SLC5A10: variants seen among roughly 807,000 people sequenced by gnomAD.
SLC5A10 encodes sodium/mannose cotransporter SLC5A10.
SLC5A10 carries 55 observed loss-of-function variants against 68.9 expected under a neutral mutation model. The ratio of observed to expected loss-of-function variants is 0.80; its 90% confidence interval spans 0.64 to 1.00. The LOEUF (loss-of-function observed/expected upper bound fraction) is 1.00. Among genes scored for constraint, SLC5A10 ranks in the 50% least tolerant of loss-of-function variants. SLC5A10 has a pLI of 0.00. For missense variants in SLC5A10, 732 were observed against 819.3 expected, an observed-to-expected ratio of 0.89 and a Z score of 1.30; for synonymous variants, 344 against 344.8, an observed-to-expected ratio of 1.00 and a Z score of 0.02.
chr17:19,004,233 G>A lies in SLC5A10; in HGVS notation c.983-9177G>A. ...GGCGGGCCGCGCGGGGAGGGGCGGC[G>A]GGGGCGGGGCCGGGAACTCAGGTGG... On this transcript the variant is annotated intron_variant, in intron 9 of 14. Coordinates refer to ENST00000395645, the MANE Select transcript of SLC5A10 (RefSeq NM_001042450.4). This position sits in a 1 kb window ranked among gnomAD's most constrained non-coding sequence, Gnocchi z 5.4. 1.8e-6 allele frequency: 1 copy of A among 550,454 alleles called. No homozygotes were observed. Among genetic ancestry groups the A allele is most frequent in the Non-Finnish European group, 3.2e-6 (1 of 316,610 alleles). 34.1% of individuals were successfully genotyped at this position (550,454 alleles called of 1,614,324 possible). A position where few individuals can be genotyped will look rare whatever the true frequency, so the allele number is the denominator to read the frequency against.
rs202168324 is a variant in SLC5A10 at position 18,976,974 on chromosome 17, C to T, written c.967C>T (p.Arg323Cys). The change falls in exon 9 of 15, where the codon CGC (arginine) becomes TGC (cysteine). Residue 323 changes from arginine to cysteine, a missense_variant. Arg to Cys is a radical substitution (Grantham distance 180). Transcript: ENST00000395645. ...GLIIMPGMIS[R>C]ALFPDDVGCV... ...GATCATCATGCCGGGCATGATCAGC[C>T]GCGCATTGTTCCCAGGTAGGACGGG... 45 of 1,612,630 alleles carry T rather than the reference C, an allele frequency of 2.8e-5. No homozygotes were observed. The highest frequency in any genetic ancestry group is 7.7e-5 in the South Asian group (7 of 91,060).
At chr17:18,982,493 G>A (rs1232192635) in intron 9 of SLC5A10, among the ~76,000 whole-genome samples, 1 of 152,236 alleles carries the variant, frequency 6.6e-6, no homozygotes, top group Non-Finnish European at 1.5e-5. Context: ...TGCCGGGGCT[G>A]GCCCAAGAGG....
chr17:18,952,202 A>G lies in SLC5A10; in HGVS notation c.-4A>G. Reference sequence around the variant, plus strand: ...TCATACCTAGTGCCTGCGGCAGGACAGCCATGGCCGCCAACTCCACCAGCG... The same window carrying G: ...TCATACCTAGTGCCTGCGGCAGGACGGCCATGGCCGCCAACTCCACCAGCG... On this transcript the variant is annotated 5_prime_UTR_variant, in exon 1 of 15. Coordinates refer to ENST00000395645, the MANE Select transcript of SLC5A10 (RefSeq NM_001042450.4). 1.2e-6 allele frequency: 2 copies of G among 1,611,576 alleles called. No individual in the cohort carries two copies. Among genetic ancestry groups the G allele is most frequent in the Admixed American group, 1.7e-5 (1 of 59,810 alleles).
intron 5 of SLC5A10, among the ~76,000 whole-genome samples, chr17:18,965,005 G>A (rs1003549410): frequency 4.0e-5 from 6 of 151,864 alleles, no homozygotes; most frequent in Non-Finnish European, 7.4e-5. Flanking sequence ...TTAGCCAGGC[G>A]TGGTGACACA....
In SLC5A10 at chr17:19,019,424, C is replaced by A. The variant is rs142845368; in HGVS notation, c.1243C>A (p.Leu415Met). 6.2e-7 allele frequency: 1 copy of A among 1,609,262 alleles called. No individual in the cohort carries two copies. ...TGCCTGCCTTCCACTCGCCTGCAGG[C>A]TGGTCATAGTGGCACTCATCGGCGT... is the stretch of plus-strand genomic sequence containing the variant. ...GERELLLVGR[L>M]VIVALIGVSV... The change falls in exon 12 of 15, where the codon CTG (leucine) becomes ATG (methionine). Residue 415 changes from leucine to methionine, a missense_variant and splice_region_variant. Transcript: ENST00000395645.
Position 18,976,903 on chromosome 17 carries a change from C to A in SLC5A10, c.896C>A (p.Ala299Glu), listed in dbSNP as rs778828313. The change falls in exon 9 of 15, where the codon GCG becomes GAG. Residue 299 changes from alanine (A) to glutamate (E), a missense_variant. Transcript: ENST00000395645. The part of the protein sequence containing the change: ...LSARDLNHAK[A>E]GSILASYLKM... Reference sequence around the variant, plus strand: ...GCCCGGGACCTGAACCATGCCAAGGCGGGCTCCATCCTGGCCAGCTACCTC... The same window carrying A: ...GCCCGGGACCTGAACCATGCCAAGGAGGGCTCCATCCTGGCCAGCTACCTC... 1.2e-6 allele frequency: 2 copies of A among 1,613,540 alleles called. No homozygotes were observed. Among genetic ancestry groups the A allele is most frequent in the Non-Finnish European group, 1.7e-6 (2 of 1,180,024 alleles).
At chr17:18,988,929 C>A (rs959110987) in intron 9 of SLC5A10, among the ~76,000 whole-genome samples, 1 of 152,228 alleles carries the variant, frequency 6.6e-6, no homozygotes, top group African/African-American at 2.4e-5. Flanking sequence ...CAGCCAAGCA[C>A]CACCAACAGG....
chr17:19,013,531 G>A lies in SLC5A10; in HGVS notation c.1090+14G>A. ...TGATGCCCATCGGTGAGGCTGTGTG[G>A]GTGGGGGTCTGGGTGGAGGGCGTGG... On this transcript the variant is annotated intron_variant, in intron 10 of 14. Transcript: ENST00000395645. 6.9e-7 allele frequency: 1 copy of A among 1,453,412 alleles called. No homozygotes were observed. The highest frequency in any genetic ancestry group is 9.1e-7 in the Non-Finnish European group (1 of 1,101,480). 90.0% of individuals were successfully genotyped at this position (1,453,412 alleles called of 1,614,324 possible).
rs1417291284 is a variant in SLC5A10 at position 18,968,598 on chromosome 17, C to G, written c.454-454C>G. On this transcript the variant is annotated intron_variant, in intron 5 of 14. Transcript: ENST00000395645. This position sits in a 1 kb window ranked among gnomAD's most constrained non-coding sequence, Gnocchi z 4.1. ...GGTGGGGGCAGGAAGCAAGGCTGCC[C>G]CTCTGTTTCCTGGTCCGCCCAGCAC... Among the ~76,000 whole-genome samples the G allele has an allele frequency of 6.6e-6, 1 of 152,164 alleles. No individual in the cohort carries two copies. Among genetic ancestry groups the G allele is most frequent in the African/African-American group, 2.4e-5 (1 of 41,404 alleles).
In SLC5A10 at chr17:18,971,837, C is replaced by G; in HGVS notation, c.846+619C>G. 1 of 1,442,684 alleles carries G rather than the reference C, an allele frequency of 6.9e-7. No homozygotes were observed. Among genetic ancestry groups the G allele is most frequent in the Non-Finnish European group, 9.2e-7 (1 of 1,082,476 alleles). The allele number at this position is 1,442,684 out of a possible 1,614,324, so 89.4% of individuals were successfully genotyped here. On this transcript the variant is annotated intron_variant, in intron 8 of 14. Coordinates refer to ENST00000395645, the MANE Select transcript of SLC5A10 (RefSeq NM_001042450.4). This position sits in a 1 kb window ranked among gnomAD's most constrained non-coding sequence, Gnocchi z 5.5. ...CCCTGCTCAGGCACACAGGAGCCGG[C>G]AGGCCCGGGTTCGCCTCCTGGCTCT...
intron 2 of SLC5A10, 40 bp downstream of exon 2, chr17:18,958,793 C>T (rs766239637): frequency 5.0e-6 from 8 of 1,602,606 alleles, no homozygotes; most frequent in South Asian, 4.4e-5. Flanking sequence ...CCACTTTGTC[C>T]GTGGGGCTGT....
chr17:18,968,923 A>C lies in SLC5A10; in HGVS notation c.454-129A>C, dbSNP rs553179735. 1.3e-6 allele frequency: 1 copy of C among 757,558 alleles called. No homozygotes were observed. The highest frequency in any genetic ancestry group is 2.8e-5 in the East Asian group (1 of 36,360). The allele number at this position is 757,558 out of a possible 1,614,324, so 46.9% of individuals were successfully genotyped here. ...GCCCCGTGATGCAGGCAGGCAGGCG[A>C]GTGGGGGTCTCCCCTCCTTATCCAC... On this transcript the variant is annotated intron_variant, in intron 5 of 14. Transcript: ENST00000395645. The surrounding 1 kb of genome is among the most constrained non-coding windows in gnomAD (Gnocchi z 4.1).
rs552268605 is a variant in SLC5A10 at position 18,983,307 on chromosome 17, G to C, written c.982+6318G>C. Among the ~76,000 whole-genome samples, 48 of 152,384 alleles carry C rather than the reference G, an allele frequency of 3.1e-4. 1 individual carries two copies. The highest frequency in any genetic ancestry group is 5.2e-4 in the Admixed American group (8 of 15,312). ...ATCACTATGGCCATGGGGCGCTCGA[G>C]GCCCAGAGAGGTGGAACCACACGCC... On this transcript the variant is annotated intron_variant, in intron 9 of 14. Transcript: ENST00000395645.
At chr17:18,998,171 G>C (rs113772019) in intron 9 of SLC5A10, among the ~76,000 whole-genome samples, 30 of 152,374 alleles carry the variant, frequency 2.0e-4, no homozygotes, top group African/African-American at 7.2e-4. Flanking sequence ...GGCCTGCCAG[G>C]CTGGGGCCAA....
In SLC5A10 at chr17:19,021,758, T is replaced by C. The variant is rs2044267735; in HGVS notation, c.*1327T>C. The C allele has an allele frequency of 6.8e-6, 3 of 438,924 alleles. No individual in the cohort carries two copies. Among genetic ancestry groups the C allele is most frequent in the Non-Finnish European group, 1.2e-5 (3 of 259,270 alleles). 27.2% of individuals were successfully genotyped at this position (438,924 alleles called of 1,614,324 possible). ...GCAACCAGCCAGGAAGCCCCGGAGC[T>C]ACCCTTGCTGGGTACCCTTGCTGGG... On this transcript the variant is annotated 3_prime_UTR_variant, in exon 15 of 15. Coordinates refer to ENST00000395645, the MANE Select transcript of SLC5A10 (RefSeq NM_001042450.4). This position sits in a 1 kb window ranked among gnomAD's most constrained non-coding sequence, Gnocchi z 4.1.
chr17:18,978,532 G>C, intron 9 of SLC5A10: 1 of 1,613,354 alleles, frequency 6.2e-7, no homozygotes. Context: ...CCAGCGCTGG[G>C]CCTTTCAGCC....
In SLC5A10 at chr17:18,996,389, A is replaced by C. The variant is rs559777412; in HGVS notation, c.983-17021A>C. Among the ~76,000 whole-genome samples, 1 of 152,204 alleles carries C rather than the reference A, an allele frequency of 6.6e-6. No homozygotes were observed. Among genetic ancestry groups the C allele is most frequent in the East Asian group, 1.9e-4 (1 of 5,164 alleles). ...TCCTCCTCCCCTCCAGGGGGCTGGC[A>C]GAATTAGTGACATGCCATCTGAAGA... On this transcript the variant is annotated intron_variant, in intron 9 of 14. Coordinates refer to ENST00000395645, the MANE Select transcript of SLC5A10 (RefSeq NM_001042450.4). The surrounding 1 kb of genome is among the most constrained non-coding windows in gnomAD (Gnocchi z 4.4).
intron 9 of SLC5A10, chr17:18,978,557 G>A: frequency 6.2e-7 from 1 of 1,613,148 alleles, no homozygotes; most frequent in African/African-American, 1.3e-5. Flanking sequence ...GGGCTTCTTG[G>A]CCTCCTGCTT....
At chr17:18,966,332 G>C (rs1014941845) in intron 5 of SLC5A10, among the ~76,000 whole-genome samples, 2 of 152,150 alleles carry the variant, frequency 1.3e-5, no homozygotes, top group African/African-American at 4.8e-5. Context: ...TTCAGCCTGT[G>C]CCCTGGGAGT....
Sources: gnomAD v4.1 joint callset for allele counts (sites outside exome capture counted in the v4.1 genomes callset) on GRCh38, gnomAD v4.1.1 for gene constraint, Gnocchi (gnomAD v3.1) non-coding constraint, MANE v1.5 for transcripts, NCBI Gene and HGNC (gene_info 2026-07-23, HGNC 2026-07-21) for gene names.